The following NRG3 variants were observed in gnomAD, a reference collection of about 807,000 sequenced individuals.
NRG3 encodes neuregulin 3, also known as pro-neuregulin-3, membrane-bound isoform.
A neutral mutation model predicts 66.9 loss-of-function variants in NRG3; 31 were observed. That is an observed-to-expected ratio of 0.46 (90% confidence interval 0.35 to 0.63). The LOEUF is 0.63. Among genes scored for constraint, NRG3 ranks in the 20% least tolerant of loss-of-function variants. The pLI is 0.00. For synonymous variants in NRG3, 393 were observed against 359.4 expected (o/e 1.09, Z -1.06); for missense variants, 910 against 878.9 (o/e 1.04, Z -0.45).
chr10:82,063,662 GAAACTAAAGAAAGAAACT>G (rs2064287270), intron 1 of NRG3, among the ~76,000 whole-genome samples: 1 of 151,238 alleles, frequency 6.6e-6, no homozygotes, highest in Non-Finnish European at 1.5e-5. Context: ...GAAAACTAAA[GAAACTAAAGAAAGAAACT>G]AAGCTAAAGA....
intron 4 of NRG3, among the ~76,000 whole-genome samples, chr10:82,947,040 A>G (rs1484118566): frequency 6.6e-6 from 1 of 152,238 alleles, no homozygotes; most frequent in East Asian, 1.9e-4. Context: ...TGAAACCACC[A>G]CTGTAATTGA....
intron 2 of NRG3, among the ~76,000 whole-genome samples, chr10:82,596,470 G>A (rs962679487): frequency 2.0e-5 from 3 of 152,154 alleles, no homozygotes; most frequent in South Asian, 2.1e-4. Context: ...CAAGATAAGA[G>A]GGGAAGGTTT....
chr10:82,883,100 G>A (rs761915147), intron 4 of NRG3, among the ~76,000 whole-genome samples: 1 of 152,116 alleles, frequency 6.6e-6, no homozygotes, highest in African/African-American at 2.4e-5. Flanking sequence ...AGAAGACATC[G>A]TTTCAAATGT....
intron 1 of NRG3, among the ~76,000 whole-genome samples, chr10:81,937,178 G>A (rs926053487): frequency 2.6e-5 from 4 of 152,018 alleles, no homozygotes; most frequent in African/African-American, 4.8e-5. Flanking sequence ...ATTCATCCAC[G>A]GATGGACATT....
intron 1 of NRG3, among the ~76,000 whole-genome samples, chr10:81,882,679 A>G (rs1219754261): frequency 2.0e-5 from 3 of 152,194 alleles, no homozygotes; most frequent in Non-Finnish European, 4.4e-5. Flanking sequence ...GGTTATTTTC[A>G]TCCAAGAGCA....
rs547110458 is a variant in NRG3 at position 82,702,760 on chromosome 10, A to C, written c.954-35817A>C. Among the ~76,000 whole-genome samples, 12 of 152,302 alleles carry C rather than the reference A, an allele frequency of 7.9e-5. 1 individual carries two copies. The South Asian group carries it at 1.5e-3, about 18-fold the overall frequency. ...CCTTTGATGATTCCTTGAGTGATCC[A>C]GATGTACTGAGCTGGGGATGTTTTG... is the stretch of plus-strand genomic sequence containing the variant. On this transcript the variant is annotated intron_variant, in intron 2 of 8. Coordinates refer to ENST00000372141, the MANE Select transcript of NRG3 (RefSeq NM_001010848.4).
intron 1 of NRG3, among the ~76,000 whole-genome samples, chr10:82,264,850 G>A (rs1196281903): frequency 1.3e-5 from 2 of 152,104 alleles, no homozygotes; most frequent in Non-Finnish European, 2.9e-5. Flanking sequence ...ATGACTTTGA[G>A]CTTTGTGAAA....
intron 3 of NRG3, among the ~76,000 whole-genome samples, chr10:82,821,220 T>C (rs2061939443): frequency 6.6e-6 from 1 of 152,184 alleles, no homozygotes; most frequent in South Asian, 2.1e-4. Context: ...GTTGTCCCTC[T>C]GCCCCACAGA....
chr10:82,670,796 C>T (rs975493331), intron 2 of NRG3, among the ~76,000 whole-genome samples: 2 of 152,136 alleles, frequency 1.3e-5, no homozygotes, highest in Non-Finnish European at 2.9e-5. Flanking sequence ...TTAGCAGAGA[C>T]TGGGAGATCC....
intron 1 of NRG3, among the ~76,000 whole-genome samples, chr10:81,959,252 G>A (rs905119202): frequency 2.0e-5 from 3 of 152,108 alleles, no homozygotes; most frequent in Admixed American, 1.3e-4. Flanking sequence ...CCCTTGTGTT[G>A]TCATTGTGCT....
At chr10:82,861,543 A>G (rs563443835) in intron 3 of NRG3, among the ~76,000 whole-genome samples, 16 of 152,314 alleles carry the variant, frequency 1.1e-4, no homozygotes, top group African/African-American at 3.8e-4. Flanking sequence ...TTAATCAAAC[A>G]TGCCACTCAT....
intron 1 of NRG3, among the ~76,000 whole-genome samples, chr10:82,259,995 A>G (rs1256189454): frequency 6.6e-6 from 1 of 152,188 alleles, no homozygotes; most frequent in African/African-American, 2.4e-5. Flanking sequence ...AATAAATGTT[A>G]TTCAGGCTGC....
chr10:82,270,725 G>A (rs1372173280), intron 1 of NRG3, among the ~76,000 whole-genome samples: 1 of 151,916 alleles, frequency 6.6e-6, no homozygotes, highest in Non-Finnish European at 1.5e-5. Flanking sequence ...AGAATTCTGG[G>A]GCCACATCTA....
chr10:82,051,044 A>G (rs1048144788), intron 1 of NRG3, among the ~76,000 whole-genome samples: 1 of 152,118 alleles, frequency 6.6e-6, no homozygotes, highest in Non-Finnish European at 1.5e-5. Context: ...TAATGGCAGT[A>G]AAATGGGCAA....
At chr10:82,208,376 A>C (rs942456094) in intron 1 of NRG3, among the ~76,000 whole-genome samples, 6 of 152,212 alleles carry the variant, frequency 3.9e-5, no homozygotes, top group African/African-American at 1.4e-4. Context: ...TGGAATGACC[A>C]GCAAGATTAT....
intron 3 of NRG3, among the ~76,000 whole-genome samples, chr10:82,860,781 C>T (rs1289854572): frequency 6.6e-6 from 1 of 152,166 alleles, no homozygotes. Context: ...ACTGTTTTTG[C>T]TTAAACTATG....
At position 82,197,731 on chromosome 10, in the gene NRG3, A is replaced by G. The variant is rs371143288; in HGVS notation, c.824-161008A>G. On this transcript the variant is annotated intron_variant, in intron 1 of 8. Coordinates refer to ENST00000372141, the MANE Select transcript of NRG3 (RefSeq NM_001010848.4). ...ATATTTATCTTAAGATAATACTAGA[A>G]GAAGTGAGGCTATTCTAGAACTTAA... Among the ~76,000 whole-genome samples, 28 of 152,308 alleles carry G rather than the reference A, an allele frequency of 1.8e-4. No homozygotes were observed. The South Asian group carries it at 5.2e-3, about 28-fold the overall frequency.
chr10:81,974,055 T>C (rs2060027178), intron 1 of NRG3, among the ~76,000 whole-genome samples: 1 of 152,182 alleles, frequency 6.6e-6, no homozygotes, highest in African/African-American at 2.4e-5. Context: ...TACATTTAAG[T>C]CTTTAACCCG....
intron 1 of NRG3, among the ~76,000 whole-genome samples, chr10:82,101,032 T>C (rs1412289108): frequency 6.6e-6 from 1 of 152,032 alleles, no homozygotes; most frequent in Non-Finnish European, 1.5e-5. Context: ...GATATAGAAC[T>C]CTTCAGGTTA....
Sources: gnomAD v4.1 joint callset for allele counts (sites outside exome capture counted in the v4.1 genomes callset) on GRCh38, gnomAD v4.1.1 for gene constraint, MANE v1.5 for transcripts, NCBI Gene and HGNC (gene_info 2026-07-23, HGNC 2026-07-21) for gene names.